The following CAMKMT variants were observed in gnomAD, a reference collection of about 807,000 sequenced individuals.
The protein encoded by CAMKMT is calmodulin-lysine N-methyltransferase.
CAMKMT carries 53 observed loss-of-function variants against 48.0 expected under a neutral mutation model. The ratio of observed to expected loss-of-function variants is 1.10; its 90% confidence interval spans 0.89 to 1.39. The LOEUF (loss-of-function observed/expected upper bound fraction) is 1.39. Among genes scored for constraint, CAMKMT ranks in the 40% most tolerant of loss-of-function variants. The pLI is 0.00. For missense variants in CAMKMT, 428 were observed against 402.7 expected, an observed-to-expected ratio of 1.06 and a Z score of -0.54; for synonymous variants, 165 against 152.3, an observed-to-expected ratio of 1.08 and a Z score of -0.61.
intron 3 of CAMKMT, among the ~76,000 whole-genome samples, chr2:44,525,806 C>G (rs1466848915): frequency 3.9e-5 from 6 of 152,032 alleles, no homozygotes; most frequent in Non-Finnish European, 5.9e-5. Flanking sequence ...CTATCAGACC[C>G]AAAAGCCTCT....
chr2:44,699,415 G>A (rs2104250792), intron 3 of CAMKMT, among the ~76,000 whole-genome samples: 1 of 152,278 alleles, frequency 6.6e-6, no homozygotes, highest in Non-Finnish European at 1.5e-5. Flanking sequence ...TTGGTGACCA[G>A]GTGCATTGTC....
intron 3 of CAMKMT, among the ~76,000 whole-genome samples, chr2:44,516,049 G>A (rs972435333): frequency 6.6e-6 from 1 of 152,060 alleles, no homozygotes; most frequent in East Asian, 1.9e-4. Flanking sequence ...CAGGAAATAT[G>A]TACTAGAAGC....
intron 3 of CAMKMT, among the ~76,000 whole-genome samples, chr2:44,650,229 TG>T (rs1009227989): frequency 1.1e-4 from 16 of 152,312 alleles, no homozygotes; most frequent in African/African-American, 3.8e-4. Flanking sequence ...TGTCAATCTT[TG>T]GCGTCCCTGG....
intron 3 of CAMKMT, among the ~76,000 whole-genome samples, chr2:44,513,376 T>C (rs1670666077): frequency 6.6e-6 from 1 of 152,238 alleles, no homozygotes; most frequent in Non-Finnish European, 1.5e-5. Flanking sequence ...ACAAATTATG[T>C]TTCTAGTACA....
intron 3 of CAMKMT, among the ~76,000 whole-genome samples, chr2:44,569,903 T>C (rs1256279334): frequency 6.6e-6 from 1 of 152,214 alleles, no homozygotes; most frequent in East Asian, 1.9e-4. Context: ...TTTATAGTTG[T>C]TGGTTACCTT....
At chr2:44,575,338 C>G (rs1669156468) in intron 3 of CAMKMT, among the ~76,000 whole-genome samples, 4 of 147,222 alleles carry the variant, frequency 2.7e-5, no homozygotes, top group Non-Finnish European at 6.0e-5. Context: ...CTCGGTATCC[C>G]AAAATGCTGA....
chr2:44,535,268 AG>A (rs1276984626), intron 3 of CAMKMT, among the ~76,000 whole-genome samples: 2 of 152,210 alleles, frequency 1.3e-5, no homozygotes, highest in African/African-American at 4.8e-5. Context: ...CTCCCAACAA[AG>A]AAAAGCCCAG....
chr2:44,542,187 A>AAG (rs1477324952), intron 3 of CAMKMT, among the ~76,000 whole-genome samples: 1 of 151,936 alleles, frequency 6.6e-6, no homozygotes, highest in Non-Finnish European at 1.5e-5. Flanking sequence ...GCTCAAATCT[A>AAG]AGTCTTCCCC....
At chr2:44,690,378 T>C (rs904511627) in intron 3 of CAMKMT, among the ~76,000 whole-genome samples, 6 of 152,164 alleles carry the variant, frequency 3.9e-5, no homozygotes, top group African/African-American at 1.4e-4. Flanking sequence ...AAATTAGTTA[T>C]TGACAGAGCT....
intron 3 of CAMKMT, among the ~76,000 whole-genome samples, chr2:44,429,116 G>A (rs1684471064): frequency 6.6e-6 from 1 of 152,160 alleles, no homozygotes; most frequent in Admixed American, 6.5e-5. Flanking sequence ...CCCCACCAGT[G>A]AAATTGTTTC....
rs183105720 is a variant in CAMKMT, at chr2:44,403,687, T to G, written c.376+13382T>G. The stretch of plus-strand genomic sequence containing the variant: ...GTAGATTCACTCTAACATCTTTAGC[T>G]GCCATCTTTAACGCATACACACATA... On this transcript the variant is annotated intron_variant, in intron 3 of 10. Transcript: ENST00000378494. Among the ~76,000 whole-genome samples the G allele has an allele frequency of 1.1e-4, 17 of 152,336 alleles. 1 individual carries two copies. The East Asian group carries it at 3.1e-3, about 28-fold the overall frequency.
intron 3 of CAMKMT, among the ~76,000 whole-genome samples, chr2:44,624,320 T>C (rs1259736587): frequency 6.6e-6 from 1 of 152,058 alleles, no homozygotes; most frequent in African/African-American, 2.4e-5. Context: ...CTATTTCAAA[T>C]TTTATTTGTC....
At chr2:44,631,500 C>A in intron 3 of CAMKMT, 1 of 621,448 alleles carries the variant, frequency 1.6e-6, no homozygotes, top group Non-Finnish European at 2.9e-6. Flanking sequence ...GATGATGTCT[C>A]ACTTTATTGC....
intron 9 of CAMKMT, among the ~76,000 whole-genome samples, chr2:44,756,741 CAA>C (rs772893331): frequency 3.6e-4 from 29 of 80,214 alleles, no homozygotes; most frequent in Admixed American, 8.5e-4. Context: ...GACTCTGTCT[CAA>C]AAAAAAAAAA....
intron 3 of CAMKMT, among the ~76,000 whole-genome samples, chr2:44,690,985 A>AG (rs371391178): frequency 1.3e-5 from 2 of 152,112 alleles, no homozygotes; most frequent in African/African-American, 4.8e-5. Context: ...CAAAAAAAAA[A>AG]TAACAACAAT....
intron 3 of CAMKMT, among the ~76,000 whole-genome samples, chr2:44,660,555 G>T (rs1450770936): frequency 1.3e-5 from 2 of 152,156 alleles, no homozygotes; most frequent in African/African-American, 4.8e-5. Context: ...GAAACATTAA[G>T]GGTCAAACTA....
chr2:44,591,860 A>G (rs963743681), intron 3 of CAMKMT, among the ~76,000 whole-genome samples: 5 of 152,124 alleles, frequency 3.3e-5, no homozygotes, highest in African/African-American at 9.7e-5. Context: ...TGGCACATAT[A>G]CACCATGGAA....
chr2:44,714,445 G>A (rs1198065665), intron 6 of CAMKMT, among the ~76,000 whole-genome samples: 1 of 152,154 alleles, frequency 6.6e-6, no homozygotes, highest in Non-Finnish European at 1.5e-5. Flanking sequence ...AGGCCATAGC[G>A]TAAGTCTGTA....
intron 10 of CAMKMT, among the ~76,000 whole-genome samples, chr2:44,770,110 A>G: frequency 6.6e-6 from 1 of 152,210 alleles, no homozygotes; most frequent in East Asian, 1.9e-4. Context: ...TGTAATTATT[A>G]ATTGGGCAAG....
Sources: gnomAD v4.1 joint callset for allele counts (sites outside exome capture counted in the v4.1 genomes callset) on GRCh38, gnomAD v4.1.1 for gene constraint, MANE v1.5 for transcripts, NCBI Gene and HGNC (gene_info 2026-07-23, HGNC 2026-07-21) for gene names.